The following ST3GAL1 variants were observed in gnomAD, a reference collection of about 807,000 sequenced individuals.
The protein encoded by ST3GAL1 is ST3 beta-galactoside alpha-2,3-sialyltransferase 1, also known as CMP-N-acetylneuraminate-beta-galactosamide-alpha-2,3-sialyltransferase 1.
A neutral mutation model predicts 34.1 loss-of-function variants in ST3GAL1; 16 were observed. The observed-to-expected ratio is 0.47, with a 90% CI of 0.32 to 0.71. ST3GAL1 has a LOEUF of 0.71. Ranked by LOEUF, ST3GAL1 falls within the 30% of genes least tolerant of loss-of-function variation. The pLI is 0.04. For synonymous variants in ST3GAL1, 191 were observed against 184.7 expected, an observed-to-expected ratio of 1.03 and a Z score of -0.28; for missense variants, 353 against 447.4, an observed-to-expected ratio of 0.79 and a Z score of 1.90.
chr8:133,517,724 C>T (rs1205822879), intron 2 of ST3GAL1, among the ~76,000 whole-genome samples: 2 of 152,222 alleles, frequency 1.3e-5, no homozygotes, highest in African/African-American at 4.8e-5. Flanking sequence ...ACTGCTGAGC[C>T]TCAGTTTCCC....
At chr8:133,546,706 A>G (rs977575664) in intron 1 of ST3GAL1, among the ~76,000 whole-genome samples, 3 of 152,044 alleles carry the variant, frequency 2.0e-5, no homozygotes, top group African/African-American at 7.2e-5. Context: ...GGGTTTCTGA[A>G]GACTTCATCT....
chr8:133,466,048 T>C lies in ST3GAL1; in HGVS notation c.349A>G (p.Ile117Val). ...EKKPNNLNDT[I>V]KELFRVVPGN... ...GGCACCACTCTGAACAGCTCCTTGA[T>C]GGTGTCATTCAAGTTATTGGGCTTC... The change falls in exon 6 of 10, where the codon ATC becomes GTC. Residue 117 changes from isoleucine (I) to valine (V), a missense_variant. Physicochemically the swap from Ile to Val is conservative, Grantham distance 29. Transcript: ENST00000522652. The surrounding 1 kb of genome is among the most constrained non-coding windows in gnomAD (Gnocchi z 4.4). 6.2e-7 allele frequency: 1 copy of C among 1,614,050 alleles called. No homozygotes were observed. Among genetic ancestry groups the C allele is most frequent in the Non-Finnish European group, 8.5e-7 (1 of 1,179,926 alleles).
intron 2 of ST3GAL1, among the ~76,000 whole-genome samples, chr8:133,525,329 C>T (rs1817935547): frequency 6.6e-6 from 1 of 152,226 alleles, no homozygotes; most frequent in Admixed American, 6.5e-5. Context: ...GCTGGTAGTC[C>T]TGACACCTAC....
At chr8:133,498,466 G>T (rs1817037929) in intron 3 of ST3GAL1, among the ~76,000 whole-genome samples, 1 of 152,112 alleles carries the variant, frequency 6.6e-6, no homozygotes, top group Non-Finnish European at 1.5e-5. Context: ...GTCCAGCTAG[G>T]GCAGGTGCCC....
chr8:133,541,589 G>C (rs187998668), intron 2 of ST3GAL1, among the ~76,000 whole-genome samples: 14 of 152,242 alleles, frequency 9.2e-5, no homozygotes, highest in Admixed American at 7.8e-4. Flanking sequence ...GTTTTGGCTG[G>C]CCTACACTGT....
At chr8:133,528,256 A>T (rs1462199604) in intron 2 of ST3GAL1, among the ~76,000 whole-genome samples, 2 of 152,148 alleles carry the variant, frequency 1.3e-5, no homozygotes, top group African/African-American at 4.8e-5. Context: ...CCCAGAGACC[A>T]CACCAAGCCC....
At chr8:133,549,124 G>T (rs755600070) in intron 1 of ST3GAL1, among the ~76,000 whole-genome samples, 11 of 152,206 alleles carry the variant, frequency 7.2e-5, no homozygotes, top group Non-Finnish European at 1.3e-4. Context: ...GCAGTAGCGG[G>T]GCGTGGTGGC....
intron 2 of ST3GAL1, among the ~76,000 whole-genome samples, chr8:133,516,733 G>T (rs1398102421): frequency 6.6e-6 from 1 of 152,208 alleles, no homozygotes; most frequent in African/African-American, 2.4e-5. Flanking sequence ...CTAAAACACT[G>T]CAAGCTGGAA....
intron 2 of ST3GAL1, among the ~76,000 whole-genome samples, chr8:133,527,962 A>G (rs1311745799): frequency 6.6e-6 from 1 of 151,966 alleles, no homozygotes; most frequent in Non-Finnish European, 1.5e-5. Context: ...ATCGAAGTCA[A>G]GAGATTGAGA....
chr8:133,542,192 C>T (rs1235589991), intron 2 of ST3GAL1, among the ~76,000 whole-genome samples: 2 of 152,176 alleles, frequency 1.3e-5, no homozygotes, highest in African/African-American at 4.8e-5. Context: ...AAACAGTGAG[C>T]ACACCTAGTG....
At position 133,571,356 on chromosome 8, in the gene ST3GAL1, T is replaced by C. The variant is rs1163230051; in HGVS notation, c.-582+337A>G. 6.6e-6 allele frequency among the ~76,000 whole-genome samples: 1 copy of C among 152,104 alleles called. No homozygotes were observed. Among genetic ancestry groups the C allele is most frequent in the African/African-American group, 2.4e-5 (1 of 41,428 alleles). ...GGGAACCGCTGCCCGGGACTTGGCGTAGGTTCCCCACAGAGCTCCAGGCAG... is the reference window on the plus strand; with the variant it reads ...GGGAACCGCTGCCCGGGACTTGGCGCAGGTTCCCCACAGAGCTCCAGGCAG... On this transcript the variant is annotated intron_variant, in intron 1 of 9. Coordinates refer to ENST00000522652, the MANE Select transcript of ST3GAL1 (RefSeq NM_173344.3). This position sits in a 1 kb window ranked among gnomAD's most constrained non-coding sequence, Gnocchi z 6.7.
In ST3GAL1 at chr8:133,492,243, C is replaced by T. The variant is rs552941633; in HGVS notation, c.-374+6892G>A. Among the ~76,000 whole-genome samples the T allele has an allele frequency of 7.6e-4, 116 of 152,238 alleles. 5 individuals carry two copies. The South Asian group carries it at 0.023, about 31-fold the overall frequency. ...CGTGGACCATGGAGAGACTGAGATACTAGTATTGATGTCTCCCCAAGTGCA... is the reference window on the plus strand; with the variant it reads ...CGTGGACCATGGAGAGACTGAGATATTAGTATTGATGTCTCCCCAAGTGCA... On this transcript the variant is annotated intron_variant, in intron 3 of 9. Transcript: ENST00000522652.
chr8:133,498,534 T>A (rs1817042137), intron 3 of ST3GAL1, among the ~76,000 whole-genome samples: 1 of 152,102 alleles, frequency 6.6e-6, no homozygotes, highest in African/African-American at 2.4e-5. Context: ...GAGCTCTGCT[T>A]GTCCCTGACT....
intron 2 of ST3GAL1, among the ~76,000 whole-genome samples, chr8:133,507,885 C>A (rs1817390489): frequency 6.6e-6 from 1 of 152,204 alleles, no homozygotes; most frequent in Non-Finnish European, 1.5e-5. Context: ...CCAGAGGCCT[C>A]TTCTGGCTGG....
In ST3GAL1 at chr8:133,469,128, T is replaced by G. The variant is rs1251033687; in HGVS notation, c.307-3038A>C. Among the ~76,000 whole-genome samples the G allele has an allele frequency of 6.6e-6, 1 of 152,190 alleles. No individual in the cohort carries two copies. The highest frequency in any genetic ancestry group is 1.5e-5 in the Non-Finnish European group (1 of 68,018). On this transcript the variant is annotated intron_variant, in intron 5 of 9. Coordinates refer to ENST00000522652, the MANE Select transcript of ST3GAL1 (RefSeq NM_173344.3). The surrounding 1 kb of genome is among the most constrained non-coding windows in gnomAD (Gnocchi z 4.3). ...CGTGTGTGGAGAGTATGCTGCCTGC[T>G]TCACACAGCACCACATCATCCTGCT...
Position 133,561,862 on chromosome 8 carries a change from T to C in ST3GAL1, c.-582+9831A>G, listed in dbSNP as rs1041888977. Among the ~76,000 whole-genome samples the C allele has an allele frequency of 1.6e-4, 24 of 152,204 alleles. 1 individual carries two copies. The highest frequency in any genetic ancestry group is 5.3e-4 in the African/African-American group (22 of 41,534). On this transcript the variant is annotated intron_variant, in intron 1 of 9. Transcript: ENST00000522652. ...AGTTCAGAGTGGGAAGGGTGATTGATGGGGACTCTAAAGGAATAAACTAAG... is the reference window on the plus strand; with the variant it reads ...AGTTCAGAGTGGGAAGGGTGATTGACGGGGACTCTAAAGGAATAAACTAAG...
chr8:133,491,868 C>T (rs1160143936), intron 3 of ST3GAL1, among the ~76,000 whole-genome samples: 1 of 152,140 alleles, frequency 6.6e-6, no homozygotes, highest in Non-Finnish European at 1.5e-5. Flanking sequence ...CCAGGCTCAG[C>T]CCCACCCCCA....
intron 2 of ST3GAL1, among the ~76,000 whole-genome samples, chr8:133,512,959 G>A (rs1170396662): frequency 1.3e-5 from 2 of 152,112 alleles, no homozygotes; most frequent in Non-Finnish European, 2.9e-5. Context: ...GGGAGGGTCC[G>A]GATTAGAGGG....
chr8:133,502,194 C>T (rs1817175851), intron 2 of ST3GAL1, among the ~76,000 whole-genome samples: 1 of 152,080 alleles, frequency 6.6e-6, no homozygotes, highest in South Asian at 2.1e-4. Context: ...AGCTCTTATT[C>T]AGTGCTTGCC....
Sources: gnomAD v4.1 joint callset for allele counts (sites outside exome capture counted in the v4.1 genomes callset) on GRCh38, gnomAD v4.1.1 for gene constraint, Gnocchi (gnomAD v3.1) non-coding constraint, MANE v1.5 for transcripts, NCBI Gene and HGNC (gene_info 2026-07-23, HGNC 2026-07-21) for gene names.